The following RAD51B variants were observed in gnomAD, a reference collection of about 807,000 sequenced individuals.
RAD51B encodes DNA repair protein RAD51 homolog 2.
Under a neutral mutation model 42.2 loss-of-function variants are expected in RAD51B, and 38 were observed. The observed-to-expected ratio is 0.90, with a 90% CI of 0.70 to 1.18. RAD51B has a LOEUF of 1.18. Ranked by LOEUF, RAD51B falls within the 50% of genes most tolerant of loss-of-function variation. RAD51B has a pLI of 0.00. For missense variants in RAD51B, 373 were observed against 400.7 expected (o/e 0.93, Z 0.59); for synonymous variants, 154 against 145.2 (o/e 1.06, Z -0.43).
At chr14:68,407,626 A>G (rs2084312457) in intron 8 of RAD51B, among the ~76,000 whole-genome samples, 1 of 152,264 alleles carries the variant, frequency 6.6e-6, no homozygotes, top group South Asian at 2.1e-4. Context: ...CACACAAATA[A>G]TATACCACAG....
At chr14:68,031,654 C>A (rs2076044166) in intron 7 of RAD51B, among the ~76,000 whole-genome samples, 1 of 151,946 alleles carries the variant, frequency 6.6e-6, no homozygotes, top group Admixed American at 6.6e-5. Context: ...CATGAAGAAA[C>A]CCTGGTGTCT....
intron 7 of RAD51B, among the ~76,000 whole-genome samples, chr14:67,889,622 G>A (rs962744322): frequency 4.7e-5 from 7 of 148,264 alleles, no homozygotes; most frequent in Admixed American, 1.4e-4. Flanking sequence ...AGAAAACCTC[G>A]TCTTTTGGGA....
At chr14:68,185,748 A>G (rs1037455825) in intron 7 of RAD51B, among the ~76,000 whole-genome samples, 10 of 152,032 alleles carry the variant, frequency 6.6e-5, no homozygotes, top group African/African-American at 2.2e-4. Context: ...AGAGCACACA[A>G]CCTAGATCCC....
chr14:68,369,801 G>T (rs1028009568), intron 8 of RAD51B, among the ~76,000 whole-genome samples: 3 of 152,170 alleles, frequency 2.0e-5, no homozygotes, highest in African/African-American at 7.2e-5. Flanking sequence ...TCACACAGAA[G>T]TCATTTCTGG....
At chr14:68,192,265 C>T (rs2079282516) in intron 7 of RAD51B, among the ~76,000 whole-genome samples, 1 of 152,126 alleles carries the variant, frequency 6.6e-6, no homozygotes, top group African/African-American at 2.4e-5. Context: ...TTTATGAGCC[C>T]TTAATCAAGA....
chr14:68,491,602 G>A (rs768445331), intron 10 of RAD51B, among the ~76,000 whole-genome samples: 8 of 152,118 alleles, frequency 5.3e-5, no homozygotes, highest in African/African-American at 1.2e-4. Context: ...CCAGAAACCC[G>A]TCTTAGTCCA....
At chr14:68,240,883 T>A (rs1210361448) in intron 7 of RAD51B, among the ~76,000 whole-genome samples, 1 of 152,268 alleles carries the variant, frequency 6.6e-6, no homozygotes, top group East Asian at 1.9e-4. Flanking sequence ...TTGCCTCATG[T>A]ACTAGGCTAG....
At chr14:68,271,175 G>T (rs2081097960) in intron 7 of RAD51B, among the ~76,000 whole-genome samples, 1 of 152,056 alleles carries the variant, frequency 6.6e-6, no homozygotes, top group South Asian at 2.1e-4. Flanking sequence ...TACGTTTATT[G>T]TCTGCCTCCC....
intron 7 of RAD51B, among the ~76,000 whole-genome samples, chr14:68,018,099 T>C (rs1305386322): frequency 6.6e-6 from 1 of 152,260 alleles, no homozygotes; most frequent in Non-Finnish European, 1.5e-5. Context: ...TAAAATTGAG[T>C]CTGGGTCTGT....
chr14:68,207,814 G>A (rs959854253), intron 7 of RAD51B, among the ~76,000 whole-genome samples: 1 of 152,036 alleles, frequency 6.6e-6, no homozygotes, highest in African/African-American at 2.4e-5. Context: ...GTTACCAAAG[G>A]TTTTTAAATC....
At chr14:68,553,209 ACATATGGTAGCTTC>A (rs1056618929) in intron 10 of RAD51B, among the ~76,000 whole-genome samples, 2 of 152,230 alleles carry the variant, frequency 1.3e-5, no homozygotes. Context: ...CTTTTGTTGA[ACATATGGTAGCTTC>A]CCAGTTTATG....
chr14:68,593,557 C>T (rs1018977482), intron 10 of RAD51B, among the ~76,000 whole-genome samples: 6 of 152,142 alleles, frequency 3.9e-5, no homozygotes, highest in Admixed American at 3.3e-4. Flanking sequence ...AGGGAATTCA[C>T]ATCATTAGTA....
At chr14:67,874,890 T>C (rs1049549841) in intron 5 of RAD51B, among the ~76,000 whole-genome samples, 5 of 152,144 alleles carry the variant, frequency 3.3e-5, no homozygotes, top group African/African-American at 9.7e-5. Flanking sequence ...AAGATGGAAC[T>C]GTGGGTTAAG....
intron 8 of RAD51B, among the ~76,000 whole-genome samples, chr14:68,303,986 A>G (rs1287456457): frequency 6.6e-6 from 1 of 152,172 alleles, no homozygotes; most frequent in East Asian, 1.9e-4. Flanking sequence ...CCTGGACAAC[A>G]TGGCGAAACA....
At chr14:68,676,940 G>A (rs961880743) in intron 11 of RAD51B, among the ~76,000 whole-genome samples, 1 of 152,190 alleles carries the variant, frequency 6.6e-6, no homozygotes, top group Non-Finnish European at 1.5e-5. Flanking sequence ...CTGGGCGGGG[G>A]GCCTGCTGAA....
intron 10 of RAD51B, among the ~76,000 whole-genome samples, chr14:68,512,783 A>G (rs1367946361): frequency 1.3e-5 from 2 of 152,124 alleles, no homozygotes; most frequent in Non-Finnish European, 2.9e-5. Context: ...CATACATACT[A>G]GTGATAAATG....
At chr14:68,366,035 A>G (rs2083136000) in intron 8 of RAD51B, among the ~76,000 whole-genome samples, 1 of 152,232 alleles carries the variant, frequency 6.6e-6, no homozygotes. Context: ...TTTTTGATAA[A>G]TTAAAAATAC....
intron 7 of RAD51B, among the ~76,000 whole-genome samples, chr14:68,259,027 G>A (rs1267622590): frequency 6.6e-6 from 1 of 152,130 alleles, no homozygotes; most frequent in Non-Finnish European, 1.5e-5. Flanking sequence ...TGAGTCAAGG[G>A]CAGAAACTAA....
intron 7 of RAD51B, among the ~76,000 whole-genome samples, chr14:68,235,305 G>T (rs775151118): frequency 6.6e-6 from 1 of 151,814 alleles, no homozygotes; most frequent in African/African-American, 2.4e-5. Context: ...TGTTGACCAC[G>T]TAGCACATAA....
Sources: allele counts gnomAD v4.1 joint callset (sites outside exome capture counted in the v4.1 genomes callset), GRCh38; gene constraint gnomAD v4.1.1; transcripts MANE v1.5; gene names NCBI Gene and HGNC (gene_info 2026-07-23, HGNC 2026-07-21).